Variants in ZFP1 observed in about 807,000 individuals in gnomAD.
ZFP1 encodes zinc finger protein 1 homolog.
Under a neutral mutation model 38.5 loss-of-function variants are expected in ZFP1, and 32 were observed. The ratio of observed to expected loss-of-function variants is 0.83; its 90% CI spans 0.63 to 1.12. ZFP1 has a LOEUF of 1.12. Ranked by LOEUF, ZFP1 falls within the 50% of genes most tolerant of loss-of-function variation. ZFP1 has a pLI of 0.00. For synonymous variants in ZFP1, 245 were observed against 168.8 expected (o/e 1.45, Z -3.50); for missense variants, 616 against 480.8 (o/e 1.28, Z -2.63).
At chr16:75,143,156 T>TA in the ZFP1 span, among the ~76,000 whole-genome samples, 9 of 151,104 alleles carry the variant, frequency 6.0e-5, no homozygotes, top group East Asian at 1.9e-4. Context: ...AAATGGCAAA[T>TA]AAAAAAAAAG....
chr16:75,134,555 G>A, the ZFP1 span, among the ~76,000 whole-genome samples: 1 of 148,712 alleles, frequency 6.7e-6, no homozygotes, highest in Non-Finnish European at 1.5e-5. Flanking sequence ...AGGAGATCGA[G>A]ACCTGGCTAA....
At chr16:75,151,090 C>T (rs1297036923) in intron 1 of ZFP1, among the ~76,000 whole-genome samples, 1 of 152,048 alleles carries the variant, frequency 6.6e-6, no homozygotes, top group Non-Finnish European at 1.5e-5. Context: ...AACCCCTGGG[C>T]TCAAGCAGTC....
the ZFP1 span, among the ~76,000 whole-genome samples, chr16:75,129,537 C>A: frequency 6.6e-6 from 1 of 152,140 alleles, no homozygotes; most frequent in Non-Finnish European, 1.5e-5. Context: ...CTTGGAGAGG[C>A]TAATAAGAAC....
At chr16:75,138,327 G>A in the ZFP1 span, among the ~76,000 whole-genome samples, 10 of 152,136 alleles carry the variant, frequency 6.6e-5, no homozygotes, top group Admixed American at 3.9e-4. Context: ...GAGCCACCGC[G>A]CACAGCCAAC....
chr16:75,158,198 G>T (rs898952804), intron 2 of ZFP1, among the ~76,000 whole-genome samples: 1 of 151,838 alleles, frequency 6.6e-6, no homozygotes, highest in African/African-American at 2.4e-5. Flanking sequence ...TTGTAGTTTG[G>T]TCGTGGTTTT....
chr16:75,166,856 G>C lies in ZFP1; in HGVS notation c.102G>C (p.Met34Ile), dbSNP rs968152197. The C allele has an allele frequency of 1.2e-6, 2 of 1,614,024 alleles. No homozygotes were observed. The highest frequency in any genetic ancestry group is 1.3e-5 in the African/African-American group (1 of 74,922). ...ACCCCTCTCAGAGGATCCTATACAT[G>C]GATGTGATGCTGGAGAATTATAGCA... Reference protein sequence around the residue: ...QLDPSQRILYMDVMLENYSNL... With the variant: ...QLDPSQRILYIDVMLENYSNL... Residue 34 changes from methionine to isoleucine, a missense_variant, in exon 3 of 4, where the codon ATG becomes ATC. Physicochemically the swap from Met to Ile is conservative, Grantham distance 10. Coordinates refer to ENST00000570010, the MANE Select transcript of ZFP1 (RefSeq NM_153688.4).
chr16:75,125,014 C>T, the ZFP1 span, among the ~76,000 whole-genome samples: 1 of 151,968 alleles, frequency 6.6e-6, no homozygotes, highest in Admixed American at 6.6e-5. Flanking sequence ...GGAATCCCAA[C>T]ACTTTGGGAG....
chr16:75,122,222 T>C, the ZFP1 span, among the ~76,000 whole-genome samples: 68 of 152,350 alleles, frequency 4.5e-4, no homozygotes, highest in African/African-American at 1.6e-3. Flanking sequence ...CCCCTACTGC[T>C]GTGTCGTTCC....
At chr16:75,138,256 C>T in the ZFP1 span, among the ~76,000 whole-genome samples, 1 of 151,948 alleles carries the variant, frequency 6.6e-6, no homozygotes, top group Non-Finnish European at 1.5e-5. Flanking sequence ...AGGATGGTCT[C>T]TGTCTCTTGA....
At chr16:75,149,443 C>T (rs1398404119) in intron 1 of ZFP1, among the ~76,000 whole-genome samples, 1 of 152,190 alleles carries the variant, frequency 6.6e-6, no homozygotes, top group African/African-American at 2.4e-5. Flanking sequence ...GATTCTGGTG[C>T]AGTCACGCTC....
At chr16:75,151,859 T>C (rs2037220668) in intron 1 of ZFP1, among the ~76,000 whole-genome samples, 1 of 152,214 alleles carries the variant, frequency 6.6e-6, no homozygotes, top group African/African-American at 2.4e-5. Context: ...AAACATTTCT[T>C]CTAGTGCAGG....
the ZFP1 span, among the ~76,000 whole-genome samples, chr16:75,140,190 C>T: frequency 6.6e-6 from 1 of 151,894 alleles, no homozygotes; most frequent in South Asian, 2.1e-4. Flanking sequence ...ATCTCTTGAA[C>T]CTGAGAGGTA....
chr16:75,170,160 AC>A lies in ZFP1; in HGVS notation c.1053del (p.Tyr352MetfsTer90). ...IHMRTHTGEK[P>X]YECTECGKTF... is the part of the protein sequence containing the mutation. ...ACATGAGAACTCATACAGGAGAGAA[AC>A]CCTATGAATGTACTGAGTGCGGCAA... is the stretch of plus-strand genomic sequence containing the variant. On this transcript the variant is annotated frameshift_variant, in exon 4 of 4. Coordinates refer to ENST00000570010, the MANE Select transcript of ZFP1 (RefSeq NM_153688.4). LOFTEE classifies it high-confidence loss of function. The A allele has an allele frequency of 6.2e-7, 1 of 1,614,168 alleles. No individual in the cohort carries two copies. The highest frequency in any genetic ancestry group is 8.5e-7 in the Non-Finnish European group (1 of 1,180,028).
chr16:75,148,442 T>C (rs1018571544), upstream of ZFP1: 1 of 152,260 alleles, frequency 6.6e-6, no homozygotes, highest in African/African-American at 2.4e-5. Context: ...CGAACGTGGA[T>C]GGTCCACCCC....
upstream of ZFP1, among the ~76,000 whole-genome samples, chr16:75,147,010 C>T (rs1288532208): frequency 6.9e-6 from 1 of 145,628 alleles, no homozygotes; most frequent in Admixed American, 6.9e-5. Flanking sequence ...ATGTATATTA[C>T]TAAATGAAAG....
chr16:75,141,312 C>G, the ZFP1 span, among the ~76,000 whole-genome samples: 1 of 149,366 alleles, frequency 6.7e-6, no homozygotes, highest in Non-Finnish European at 1.5e-5. Flanking sequence ...ATGCCATTCT[C>G]CTGCCTCAGC....
intron 2 of ZFP1, among the ~76,000 whole-genome samples, chr16:75,163,771 C>T (rs138261516): frequency 1.3e-5 from 2 of 151,904 alleles, no homozygotes; most frequent in East Asian, 3.9e-4. Flanking sequence ...ACCACCACGT[C>T]CAGCTAGGTG....
At chr16:75,143,467 A>T in the ZFP1 span, among the ~76,000 whole-genome samples, 1 of 151,830 alleles carries the variant, frequency 6.6e-6, no homozygotes, top group African/African-American at 2.4e-5. Context: ...GCTGGTCTCG[A>T]ACTCTTGACC....
intron 2 of ZFP1, among the ~76,000 whole-genome samples, chr16:75,155,940 T>C (rs2037448291): frequency 6.6e-6 from 1 of 152,238 alleles, no homozygotes; most frequent in Non-Finnish European, 1.5e-5. Flanking sequence ...GGTTTTTTTT[T>C]CCTTTCAGAC....
Sources: gnomAD v4.1 joint callset for allele counts (sites outside exome capture counted in the v4.1 genomes callset) on GRCh38, gnomAD v4.1.1 for gene constraint, MANE v1.5 for transcripts, NCBI Gene and HGNC (gene_info 2026-07-23, HGNC 2026-07-21) for gene names.